Variants in RFC1 observed in about 807,000 individuals in gnomAD.
RFC1 encodes the protein replication factor C subunit 1, also known as A1 140 kDa subunit.
RFC1 carries 37 observed loss-of-function variants against 137.4 expected under a neutral mutation model. The observed-to-expected ratio is 0.27, with a 90% confidence interval of 0.21 to 0.35. RFC1 has a LOEUF of 0.35. Among genes scored for constraint, RFC1 ranks in the 10% least tolerant of loss-of-function variants. The pLI is 1.00. For missense variants in RFC1, 1,205 were observed against 1,358.5 expected (o/e 0.89, Z 1.78); for synonymous variants, 429 against 455.7 (o/e 0.94, Z 0.75).
chr4:39,346,550 T>C (rs1327528437), intron 2 of RFC1, among the ~76,000 whole-genome samples: 1 of 151,592 alleles, frequency 6.6e-6, no homozygotes, highest in Admixed American at 6.6e-5. Flanking sequence ...AAACATCACA[T>C]TTCTAACATA....
rs575266604 is a variant in RFC1 at position 39,287,610 on chromosome 4, T to G, written c.*1151A>C. ...TAAAGCAGGGAATACGATCCTTATT[T>G]TACATTCATTTTAGTATATACCTCA... On this transcript the variant is annotated 3_prime_UTR_variant, in exon 25 of 25. Transcript: ENST00000349703. 16 of 152,292 alleles carry G rather than the reference T, an allele frequency of 1.1e-4. No individual in the cohort carries two copies. The highest frequency in any genetic ancestry group is 2.2e-4 in the Non-Finnish European group (15 of 68,014). 9.4% of individuals were successfully genotyped at this position (152,292 alleles called of 1,614,324 possible). A position where few individuals can be genotyped will look rare whatever the true frequency, so the allele number is the denominator to read the frequency against.
intron 13 of RFC1, 118 bp downstream of exon 13, chr4:39,308,518 C>T (rs1738797359): frequency 7.2e-7 from 1 of 1,394,154 alleles, no homozygotes; most frequent in Non-Finnish European, 9.8e-7. Flanking sequence ...TCAGATCAAG[C>T]TCTTAATAAA....
At chr4:39,343,236 T>C (rs1165255461) in intron 3 of RFC1, among the ~76,000 whole-genome samples, 1 of 152,166 alleles carries the variant, frequency 6.6e-6, no homozygotes, top group African/African-American at 2.4e-5. Flanking sequence ...TTGGCCAGGC[T>C]GGTCTGGAAA....
intron 14 of RFC1, among the ~76,000 whole-genome samples, 187 bp downstream of exon 14, chr4:39,306,405 A>G (rs1258440761): frequency 6.6e-6 from 1 of 152,232 alleles, no homozygotes; most frequent in Non-Finnish European, 1.5e-5. Context: ...TTTTAAAAGG[A>G]TTAAAATTAC....
rs779548462 is a variant in RFC1, at chr4:39,345,427, T to C, written c.182A>G (p.Lys61Arg). 24 of 1,613,882 alleles carry C rather than the reference T, an allele frequency of 1.5e-5. No individual in the cohort carries two copies. The Admixed American group carries it at 4.0e-4, about 27-fold the overall frequency. The change falls in exon 3 of 25, where the codon AAG becomes AGG. Residue 61 changes from lysine to arginine, a missense_variant. Transcript: ENST00000349703. ...TGAATCATAGATGATCCTCTTTTTC[T>C]TGCTTGGTTGCTTTTGTTTGAAGTC... ...EDDFKQKQPS[K>R]KKRIIYDSDS...
intron 2 of RFC1, among the ~76,000 whole-genome samples, chr4:39,347,319 C>T (rs947155154): frequency 2.0e-5 from 3 of 152,234 alleles, no homozygotes; most frequent in African/African-American, 7.2e-5. Context: ...CAAAGGCCAA[C>T]CCTCTGCTGA....
intron 2 of RFC1, among the ~76,000 whole-genome samples, chr4:39,349,197 T>C (rs1022021402): frequency 2.6e-5 from 4 of 152,146 alleles, no homozygotes; most frequent in Non-Finnish European, 5.9e-5. Flanking sequence ...GCTGTTATGA[T>C]GGAATGAATG....
chr4:39,352,642 C>T (rs1741265422), intron 1 of RFC1, among the ~76,000 whole-genome samples: 1 of 152,182 alleles, frequency 6.6e-6, no homozygotes, highest in Non-Finnish European at 1.5e-5. Context: ...ATTAATTATG[C>T]ATCTACCACA....
chr4:39,327,041 T>C (rs934915198), intron 5 of RFC1, among the ~76,000 whole-genome samples: 1 of 152,188 alleles, frequency 6.6e-6, no homozygotes, highest in African/African-American at 2.4e-5. Flanking sequence ...AGGCTTTCTT[T>C]AACTCAGGGG....
At chr4:39,299,376 C>T (rs896861518) in intron 21 of RFC1, among the ~76,000 whole-genome samples, 1 of 152,056 alleles carries the variant, frequency 6.6e-6, no homozygotes, top group African/African-American at 2.4e-5. Flanking sequence ...GTCTTTAATT[C>T]CTCTAGTGCC....
At chr4:39,308,232 C>A (rs916275628) in intron 13 of RFC1, among the ~76,000 whole-genome samples, 1 of 152,122 alleles carries the variant, frequency 6.6e-6, no homozygotes, top group Non-Finnish European at 1.5e-5. Context: ...CTCTTTCCTA[C>A]CCAACACTCA....
At chr4:39,294,514 T>C (rs1237137415) in intron 22 of RFC1, among the ~76,000 whole-genome samples, 2 of 150,330 alleles carry the variant, frequency 1.3e-5, no homozygotes, top group African/African-American at 2.5e-5. Context: ...TACTAAAAAA[T>C]ACAAAAATTA....
intron 24 of RFC1, 36 bp from the exon 25 acceptor site, chr4:39,288,880 G>A (rs1265347173): frequency 1.7e-6 from 2 of 1,211,266 alleles, no homozygotes; most frequent in East Asian, 2.3e-5. Context: ...GTTAATAGCT[G>A]TGTTTATGAG....
intron 2 of RFC1, among the ~76,000 whole-genome samples, chr4:39,346,305 C>T (rs1179874472): frequency 6.6e-6 from 1 of 152,034 alleles, no homozygotes. Flanking sequence ...GAAGAAACTC[C>T]GTCTCTACTA....
intron 21 of RFC1, chr4:39,297,715 A>G (rs1738096221): frequency 6.6e-6 from 1 of 152,344 alleles, no homozygotes; most frequent in South Asian, 2.1e-4. Flanking sequence ...CGAGCACTTC[A>G]CTTTCTTAAA....
chr4:39,337,468 GTGTGTA>G (rs1210798894), intron 4 of RFC1, among the ~76,000 whole-genome samples: 1 of 145,922 alleles, frequency 6.9e-6, no homozygotes, highest in African/African-American at 2.7e-5. Context: ...GTGTGTGTGT[GTGTGTA>G]ACATTTACTT....
At chr4:39,294,536 T>C (rs1737869262) in intron 22 of RFC1, among the ~76,000 whole-genome samples, 1 of 151,894 alleles carries the variant, frequency 6.6e-6, no homozygotes, top group African/African-American at 2.4e-5. Context: ...CCAGGTGTGG[T>C]GGCATGCACC....
At chr4:39,310,536 C>T (rs1738915228) in intron 12 of RFC1, among the ~76,000 whole-genome samples, 1 of 152,026 alleles carries the variant, frequency 6.6e-6, no homozygotes, top group Non-Finnish European at 1.5e-5. Context: ...AATCCTGTGT[C>T]CTGTGTGTAA....
At chr4:39,352,942 A>T (rs183542608) in intron 1 of RFC1, among the ~76,000 whole-genome samples, 1 of 152,290 alleles carries the variant, frequency 6.6e-6, no homozygotes, top group East Asian at 1.9e-4. Context: ...TACTTTGTAA[A>T]GTGTTAAGAA....
Sources: gnomAD v4.1 joint callset for allele counts (sites outside exome capture counted in the v4.1 genomes callset) on GRCh38, gnomAD v4.1.1 for gene constraint, MANE v1.5 for transcripts, NCBI Gene and HGNC (gene_info 2026-07-23, HGNC 2026-07-21) for gene names.